NKAIN3: variants seen among roughly 807,000 people sequenced by gnomAD.
The protein encoded by NKAIN3 is sodium/potassium-transporting ATPase subunit beta-1-interacting protein 3.
A neutral mutation model predicts 30.2 loss-of-function variants in NKAIN3; 25 were observed. That is an observed-to-expected ratio of 0.83 (90% confidence interval 0.60 to 1.16). The LOEUF is 1.16. Among genes scored for constraint, NKAIN3 ranks in the 50% most tolerant of loss-of-function variants. The probability of loss-of-function intolerance (pLI) is 0.00; values close to 1 mark genes in which losing one functional copy is unlikely to be tolerated. For missense variants in NKAIN3, 225 were observed against 254.1 expected (o/e 0.89, Z 0.78); for synonymous variants, 91 against 89.6 (o/e 1.02, Z -0.09).
chr8:62,874,639 C>G (rs951864120), intron 4 of NKAIN3, among the ~76,000 whole-genome samples: 1 of 152,186 alleles, frequency 6.6e-6, no homozygotes, highest in Non-Finnish European at 1.5e-5. Context: ...GGCTTCATCC[C>G]TGGGATGCAA....
chr8:62,431,864 G>GAAA (rs5891856), intron 1 of NKAIN3, among the ~76,000 whole-genome samples: 23 of 133,504 alleles, frequency 1.7e-4, no homozygotes, highest in African/African-American at 5.6e-4. Flanking sequence ...TTATAAAAAG[G>GAAA]AAAAAAAAAA....
rs56339102 is a variant in NKAIN3 at position 62,973,659 on chromosome 8, C to T, written c.*8252C>T. On this transcript the variant is annotated 3_prime_UTR_variant, in exon 7 of 7. Coordinates refer to ENST00000623646, the MANE Select transcript of NKAIN3 (RefSeq NM_001304533.3). ...AGTTTCTTTTGCTGCACAGAAGCTC[C>T]TTAGTTTAATTAGATCCCATTTGTC... Among the ~76,000 whole-genome samples the T allele has an allele frequency of 0.11, 16,270 of 152,048 alleles. 922 individuals carry two copies. Among genetic ancestry groups the T allele is most frequent in the South Asian group, 0.17 (818 of 4,814 alleles).
chr8:62,496,417 C>G (rs1807241332), intron 1 of NKAIN3, among the ~76,000 whole-genome samples: 1 of 152,066 alleles, frequency 6.6e-6, no homozygotes, highest in African/African-American at 2.4e-5. Context: ...GGTATCCAGG[C>G]TCATCCAGTG....
intron 5 of NKAIN3, among the ~76,000 whole-genome samples, chr8:62,947,115 A>AT (rs1823146303): frequency 6.6e-6 from 1 of 152,236 alleles, no homozygotes; most frequent in African/African-American, 2.4e-5. Flanking sequence ...AAATAAAGTC[A>AT]TTTAATGGAT....
At chr8:62,298,064 A>G (rs1329970330) in intron 1 of NKAIN3, among the ~76,000 whole-genome samples, 1 of 151,412 alleles carries the variant, frequency 6.6e-6, no homozygotes, top group Non-Finnish European at 1.5e-5. Flanking sequence ...TCAGTAAACT[A>G]TCACAAGAAC....
intron 4 of NKAIN3, chr8:62,856,103 C>T: frequency 1.4e-6 from 1 of 711,222 alleles, no homozygotes; most frequent in East Asian, 2.5e-5. Context: ...ACTGTTTTAA[C>T]TCTTCTGTTT....
At chr8:62,561,414 A>G (rs542365929) in intron 1 of NKAIN3, among the ~76,000 whole-genome samples, 1 of 152,312 alleles carries the variant, frequency 6.6e-6, no homozygotes, top group East Asian at 1.9e-4. Context: ...TTATTCCTAT[A>G]AACTTGCTAC....
intron 1 of NKAIN3, among the ~76,000 whole-genome samples, chr8:62,317,167 G>A (rs1310520938): frequency 6.6e-6 from 1 of 152,112 alleles, no homozygotes; most frequent in Non-Finnish European, 1.5e-5. Context: ...GTAGATTCTG[G>A]ATATTAGCCC....
chr8:62,513,270 G>A (rs1807868715), intron 1 of NKAIN3, among the ~76,000 whole-genome samples: 1 of 151,234 alleles, frequency 6.6e-6, no homozygotes, highest in Non-Finnish European at 1.5e-5. Context: ...AAAATGTTGA[G>A]GCCTTTGACT....
intron 1 of NKAIN3, among the ~76,000 whole-genome samples, chr8:62,388,307 T>C (rs1038894173): frequency 6.6e-6 from 1 of 152,252 alleles, no homozygotes; most frequent in Non-Finnish European, 1.5e-5. Flanking sequence ...TCCTAACATA[T>C]AAAACCTGTT....
intron 1 of NKAIN3, among the ~76,000 whole-genome samples, chr8:62,365,943 G>A (rs1489498159): frequency 6.6e-6 from 1 of 151,916 alleles, no homozygotes; most frequent in Non-Finnish European, 1.5e-5. Flanking sequence ...TATTCCCCCC[G>A]CTTGAATTTT....
Position 62,388,294 on chromosome 8 carries a change from T to C in NKAIN3, c.54+139167T>C, listed in dbSNP as rs781204943. Among the ~76,000 whole-genome samples, 6 of 152,272 alleles carry C rather than the reference T, an allele frequency of 3.9e-5. No homozygotes were observed. In the South Asian group the frequency reaches 1.2e-3, roughly 32 times the overall value. On this transcript the variant is annotated intron_variant, in intron 1 of 6. Coordinates refer to ENST00000623646, the MANE Select transcript of NKAIN3 (RefSeq NM_001304533.3). ...GTTTCAGATTATGTTTATATCTGAT[T>C]ATTCCTAACATATAAAACCTGTTAG... is the stretch of plus-strand genomic sequence containing the variant.
chr8:62,473,756 C>G (rs1211957483), intron 1 of NKAIN3, among the ~76,000 whole-genome samples: 1 of 151,082 alleles, frequency 6.6e-6, no homozygotes, highest in East Asian at 2.0e-4. Flanking sequence ...CCTTAATAGC[C>G]TACCTCAATT....
rs184158336 is a variant in NKAIN3 at position 62,766,140 on chromosome 8, T to C, written c.471+19011T>C. On this transcript the variant is annotated intron_variant, in intron 4 of 6. Coordinates refer to ENST00000623646, the MANE Select transcript of NKAIN3 (RefSeq NM_001304533.3). ...AAAACATGTTGACACAGTCCTATGC[T>C]GATGATTATTGGTTATTAGAATAAC... Among the ~76,000 whole-genome samples, 231 of 152,260 alleles carry C rather than the reference T, an allele frequency of 1.5e-3. 1 individual carries two copies. The highest frequency in any genetic ancestry group is 4.2e-3 in the African/African-American group (175 of 41,554).
At chr8:62,774,507 A>C (rs1437990407) in intron 4 of NKAIN3, among the ~76,000 whole-genome samples, 1 of 152,120 alleles carries the variant, frequency 6.6e-6, no homozygotes, top group Admixed American at 6.6e-5. Flanking sequence ...AAAGCTTTCA[A>C]TTTTTGCCCA....
intron 1 of NKAIN3, among the ~76,000 whole-genome samples, chr8:62,509,646 T>C (rs1448824939): frequency 6.6e-6 from 1 of 152,150 alleles, no homozygotes; most frequent in Admixed American, 6.6e-5. Context: ...GAATGTGCCA[T>C]TTGCCATAAA....
At chr8:62,671,913 A>G (rs955898290) in intron 3 of NKAIN3, among the ~76,000 whole-genome samples, 13 of 152,092 alleles carry the variant, frequency 8.5e-5, no homozygotes, top group African/African-American at 3.1e-4. Context: ...CTCCAAGAAG[A>G]AGACCTAGGA....
intron 4 of NKAIN3, among the ~76,000 whole-genome samples, chr8:62,784,482 TA>T (rs1180773789): frequency 1.3e-5 from 2 of 151,790 alleles, no homozygotes; most frequent in Non-Finnish European, 2.9e-5. Flanking sequence ...TTTAAAAGAT[TA>T]TAAGATAATA....
At chr8:62,723,452 T>C (rs1447270753) in intron 3 of NKAIN3, among the ~76,000 whole-genome samples, 1 of 152,174 alleles carries the variant, frequency 6.6e-6, no homozygotes, top group East Asian at 1.9e-4. Flanking sequence ...TTTATAGTCT[T>C]AAAATCCTAA....
Sources: allele counts gnomAD v4.1 joint callset (sites outside exome capture counted in the v4.1 genomes callset), GRCh38; gene constraint gnomAD v4.1.1; transcripts MANE v1.5; gene names NCBI Gene and HGNC (gene_info 2026-07-23, HGNC 2026-07-21).